Variants in PTPRD observed in about 807,000 individuals in gnomAD.
The protein encoded by PTPRD is protein tyrosine phosphatase receptor type D, also known as receptor-type tyrosine-protein phosphatase delta.
In PTPRD, 34 loss-of-function variants were observed where a neutral mutation model predicts 214.5. That is an observed-to-expected ratio of 0.16 (90% confidence interval 0.12 to 0.21). The LOEUF (loss-of-function observed/expected upper bound fraction) is 0.21, where lower values mean the gene tolerates loss of function less well. Among genes scored for constraint, PTPRD ranks in the 10% least tolerant of loss-of-function variants. The probability of loss-of-function intolerance (pLI) is 1.00; values close to 1 mark genes in which losing one functional copy is unlikely to be tolerated. For synonymous variants in PTPRD, 1,128 were observed against 845.7 expected, an observed-to-expected ratio of 1.33 and a Z score of -5.79; for missense variants, 2,545 against 2,398.7, an observed-to-expected ratio of 1.06 and a Z score of -1.27.
At chr9:8,734,858 T>A (rs1189115208) in intron 11 of PTPRD, among the ~76,000 whole-genome samples, 1 of 152,292 alleles carries the variant, frequency 6.6e-6, no homozygotes, top group East Asian at 1.9e-4. Context: ...ACTGACATCA[T>A]GGAAATAGTG....
intron 11 of PTPRD, among the ~76,000 whole-genome samples, chr9:9,014,887 T>A (rs751263068): frequency 6.6e-6 from 1 of 152,190 alleles, no homozygotes; most frequent in Non-Finnish European, 1.5e-5. Flanking sequence ...TAGAATACAA[T>A]ATTTATTTCA....
chr9:9,882,873 C>T (rs991779369), intron 5 of PTPRD, among the ~76,000 whole-genome samples: 10 of 152,106 alleles, frequency 6.6e-5, no homozygotes, highest in African/African-American at 2.4e-4. Flanking sequence ...CTGTGAATGG[C>T]TTAGTGCCCT....
chr9:9,246,483 G>A (rs576795488), intron 9 of PTPRD, among the ~76,000 whole-genome samples: 31 of 152,138 alleles, frequency 2.0e-4, no homozygotes, highest in African/African-American at 6.7e-4. Context: ...CTGTCAGTTT[G>A]CTCCTTCCTG....
chr9:10,584,122 T>C (rs114878037), intron 2 of PTPRD, among the ~76,000 whole-genome samples: 58 of 151,890 alleles, frequency 3.8e-4, no homozygotes, highest in African/African-American at 1.4e-3. Flanking sequence ...TTGAAATCCT[T>C]ACCCCTCTTC....
At chr9:8,964,202 T>G (rs1480663541) in intron 11 of PTPRD, among the ~76,000 whole-genome samples, 10 of 143,354 alleles carry the variant, frequency 7.0e-5, no homozygotes, top group African/African-American at 2.6e-4. Flanking sequence ...GTTTTTTTTT[T>G]TTTTTTTTTT....
At chr9:9,560,659 G>A (rs920569124) in intron 8 of PTPRD, among the ~76,000 whole-genome samples, 12 of 152,178 alleles carry the variant, frequency 7.9e-5, no homozygotes, top group Non-Finnish European at 1.8e-4. Context: ...CAGGTCCTAG[G>A]GTCCGGTTCC....
chr9:8,325,887 T>C (rs573319759), intron 44 of PTPRD, among the ~76,000 whole-genome samples: 1 of 152,216 alleles, frequency 6.6e-6, no homozygotes, highest in South Asian at 2.1e-4. Context: ...TATTGGTGTA[T>C]AGGAATGCTT....
At chr9:9,179,607 T>G (rs1031391936) in intron 10 of PTPRD, among the ~76,000 whole-genome samples, 1 of 152,098 alleles carries the variant, frequency 6.6e-6, no homozygotes, top group Non-Finnish European at 1.5e-5. Context: ...GTTTAGACAT[T>G]GTGGGAAATG....
intron 2 of PTPRD, among the ~76,000 whole-genome samples, chr9:10,572,644 T>G (rs2067838523): frequency 1.3e-5 from 2 of 152,194 alleles, no homozygotes. Context: ...CTGTGATGTG[T>G]GTTTATAATT....
rs1420171661 is a variant in PTPRD at position 8,314,928 on chromosome 9, A to C, written c.*2946T>G. On this transcript the variant is annotated 3_prime_UTR_variant, in exon 46 of 46. Transcript: ENST00000381196. ...TGGCTGTCCTCGCCGTTTTCTAACC[A>C]TGCAAATCATTTTTAAAAAAGAGCT... 4.3e-6 allele frequency: 1 copy of C among 232,438 alleles called. No individual in the cohort carries two copies. The highest frequency in any genetic ancestry group is 2.2e-5 in the African/African-American group (1 of 45,262). The allele number at this position is 232,438 out of a possible 1,614,324, so 14.4% of individuals were successfully genotyped here.
chr9:10,449,859 G>C lies in PTPRD; in HGVS notation c.-599-108842C>G, dbSNP rs1057246205. Among the ~76,000 whole-genome samples, 1,100 of 151,282 alleles carry C rather than the reference G, an allele frequency of 7.3e-3. 15 individuals are homozygous for C. The highest frequency in any genetic ancestry group is 0.021 in the African/African-American group (862 of 40,682). On this transcript the variant is annotated intron_variant, in intron 2 of 45. Coordinates refer to ENST00000381196, the MANE Select transcript of PTPRD (RefSeq NM_002839.4). ...GATTGTTACTGTGTCTGTATAGAAA[G>C]AAGTAGACATAGGAGACTCCATTTT...
At chr9:8,579,440 A>G (rs995144186) in intron 14 of PTPRD, among the ~76,000 whole-genome samples, 7 of 152,200 alleles carry the variant, frequency 4.6e-5, no homozygotes, top group Non-Finnish European at 1.0e-4. Flanking sequence ...AATATGCCCA[A>G]GAAAAACTGG....
intron 8 of PTPRD, among the ~76,000 whole-genome samples, chr9:9,412,526 A>G (rs2075780213): frequency 6.6e-6 from 1 of 151,744 alleles, no homozygotes; most frequent in Admixed American, 6.6e-5. Flanking sequence ...TCCCTTTCAC[A>G]TTTCCTACAG....
chr9:10,603,748 C>A lies in PTPRD; in HGVS notation c.-600+8650G>T, dbSNP rs188070586. ...CTTCTATCTGAAGATTTCTCAAGAACTCATGAGGCAGTATATAAGAGATAA... is the reference window on the plus strand; with the variant it reads ...CTTCTATCTGAAGATTTCTCAAGAAATCATGAGGCAGTATATAAGAGATAA... On this transcript the variant is annotated intron_variant, in intron 2 of 45. Coordinates refer to ENST00000381196, the MANE Select transcript of PTPRD (RefSeq NM_002839.4). 6.5e-4 allele frequency among the ~76,000 whole-genome samples: 99 copies of A among 151,820 alleles called. 1 individual carries two copies. Among genetic ancestry groups the A allele is most frequent in the African/African-American group, 2.2e-3 (91 of 41,440 alleles).
chr9:10,550,295 G>T (rs2061023779), intron 2 of PTPRD, among the ~76,000 whole-genome samples: 1 of 152,058 alleles, frequency 6.6e-6, no homozygotes, highest in African/African-American at 2.4e-5. Context: ...TTTAAATTTA[G>T]ATTCAGAGGA....
chr9:10,432,363 C>A (rs2098688407), intron 2 of PTPRD, among the ~76,000 whole-genome samples: 1 of 151,134 alleles, frequency 6.6e-6, no homozygotes, highest in Admixed American at 6.6e-5. Flanking sequence ...GTGCAGCGCA[C>A]CAGCATGGCA....
intron 9 of PTPRD, among the ~76,000 whole-genome samples, chr9:9,279,541 T>C (rs1395512206): frequency 2.7e-5 from 4 of 150,546 alleles, no homozygotes; most frequent in African/African-American, 9.7e-5. Flanking sequence ...ATATTCTTTT[T>C]TAAATTTCGT....
At chr9:10,343,984 T>TTTTTTTTTTTTTTTTTTTG (rs1366812539) in intron 2 of PTPRD, among the ~76,000 whole-genome samples, 3 of 136,318 alleles carry the variant, frequency 2.2e-5, no homozygotes, top group African/African-American at 5.6e-5. Flanking sequence ...GGTAGTTTTT[T>TTTTTTTTTTTTTTTTTTTG]TTTTTTTTTT....
chr9:10,396,658 G>C (rs1315642118), intron 2 of PTPRD, among the ~76,000 whole-genome samples: 1 of 151,960 alleles, frequency 6.6e-6, no homozygotes, highest in Non-Finnish European at 1.5e-5. Context: ...TACGAGTAAA[G>C]CACCTTCTTA....
Sources: allele counts gnomAD v4.1 joint callset (sites outside exome capture counted in the v4.1 genomes callset), GRCh38; gene constraint gnomAD v4.1.1; transcripts MANE v1.5; gene names NCBI Gene and HGNC (gene_info 2026-07-23, HGNC 2026-07-21).